The following CWF19L2 variants were observed in gnomAD, a reference collection of about 807,000 sequenced individuals.
CWF19L2 encodes CWF19-like protein 2.
CWF19L2 carries 98 observed loss-of-function variants against 111.7 expected under a neutral mutation model. The observed-to-expected ratio is 0.88, with a 90% CI of 0.75 to 1.04. The LOEUF is 1.04. Ranked by LOEUF, CWF19L2 falls within the 50% of genes least tolerant of loss-of-function variation. The probability of loss-of-function intolerance (pLI) is 0.00; values close to 1 mark genes in which losing one functional copy is unlikely to be tolerated. For missense variants in CWF19L2, 1,101 were observed against 1,051.4 expected, an observed-to-expected ratio of 1.05 and a Z score of -0.65; for synonymous variants, 351 against 342.9, an observed-to-expected ratio of 1.02 and a Z score of -0.26.
chr11:107,398,599 G>C (rs1860956487), intron 10 of CWF19L2, among the ~76,000 whole-genome samples: 1 of 152,208 alleles, frequency 6.6e-6, no homozygotes, highest in South Asian at 2.1e-4. Flanking sequence ...TAAAAGCCCG[G>C]AAAACATATT....
rs557213561 is a variant in CWF19L2, at chr11:107,364,319, G to T, written c.1873-10583C>A. On this transcript the variant is annotated intron_variant, in intron 12 of 17. Transcript: ENST00000282251. ...AATTGAACTCAGCTCTGCCTCAAGC[G>T]GACCTAATATACATCTACAGAACTC... 4.1e-5 allele frequency among the ~76,000 whole-genome samples: 6 copies of T among 146,894 alleles called. No homozygotes were observed. In the South Asian group the frequency reaches 1.3e-3, roughly 32 times the overall value.
chr11:107,343,035 C>A (rs1179953093), intron 14 of CWF19L2, among the ~76,000 whole-genome samples: 1 of 152,170 alleles, frequency 6.6e-6, no homozygotes, highest in Non-Finnish European at 1.5e-5. Flanking sequence ...CCATAAGACT[C>A]ACTTGGAATC....
chr11:107,433,622 A>T lies in CWF19L2; in HGVS notation c.780+12T>A. 1 of 1,377,140 alleles carries T rather than the reference A, an allele frequency of 7.3e-7. No individual in the cohort carries two copies. Among genetic ancestry groups the T allele is most frequent in the Non-Finnish European group, 9.9e-7 (1 of 1,007,516 alleles). The allele number at this position is 1,377,140 out of a possible 1,614,324, so 85.3% of individuals were successfully genotyped here. A position where few individuals can be genotyped will look rare whatever the true frequency, so the allele number is the denominator to read the frequency against. On this transcript the variant is annotated intron_variant, in intron 7 of 17. Coordinates refer to ENST00000282251, the MANE Select transcript of CWF19L2 (RefSeq NM_152434.3). ...TGAAAATAAGAGGCATCTCCTTAAA[A>T]CAGATACTCACCCCATATCTTTCGG... is the stretch of plus-strand genomic sequence containing the variant.
intron 14 of CWF19L2, among the ~76,000 whole-genome samples, chr11:107,337,711 T>C (rs1425603135): frequency 6.6e-6 from 1 of 152,200 alleles, no homozygotes; most frequent in East Asian, 1.9e-4. Flanking sequence ...GATCAGGAGT[T>C]CAAGATCAAG....
intron 12 of CWF19L2, among the ~76,000 whole-genome samples, chr11:107,360,278 AAAAAACAAAAAC>A (rs532497491): frequency 8.5e-5 from 13 of 152,278 alleles, no homozygotes; most frequent in South Asian, 6.2e-4. Flanking sequence ...ATGTTGCAGC[AAAAAACAAAAAC>A]AAAAACAAAA....
chr11:107,349,379 G>A (rs1478702993), intron 13 of CWF19L2, among the ~76,000 whole-genome samples: 1 of 152,238 alleles, frequency 6.6e-6, no homozygotes, highest in African/African-American at 2.4e-5. Context: ...ATCTGAAGGA[G>A]CTAGATACTT....
chr11:107,340,156 A>G (rs181664715), intron 14 of CWF19L2, among the ~76,000 whole-genome samples: 1 of 152,272 alleles, frequency 6.6e-6, no homozygotes. Flanking sequence ...ACAAAGCTCA[A>G]TTTATCAATT....
At chr11:107,353,893 A>C (rs1003688640) in intron 12 of CWF19L2, among the ~76,000 whole-genome samples, 157 bp from the exon 13 acceptor site, 1 of 152,186 alleles carries the variant, frequency 6.6e-6, no homozygotes, top group African/African-American at 2.4e-5. Flanking sequence ...GATCTTCTAG[A>C]GTCAATCTAT....
chr11:107,450,524 A>G (rs1325587072), intron 3 of CWF19L2, among the ~76,000 whole-genome samples: 3 of 152,124 alleles, frequency 2.0e-5, no homozygotes, highest in Non-Finnish European at 4.4e-5. Context: ...CCTGGGCAAC[A>G]AAGCAAGACT....
At chr11:107,372,226 A>C (rs1349392855) in intron 12 of CWF19L2, among the ~76,000 whole-genome samples, 1 of 136,298 alleles carries the variant, frequency 7.3e-6, no homozygotes, top group Admixed American at 7.2e-5. Context: ...AGAACTGTCA[A>C]GTTATAGCTG....
intron 14 of CWF19L2, 119 bp from the exon 15 acceptor site, chr11:107,336,832 AAAAT>A (rs1419503046): frequency 1.7e-5 from 10 of 585,460 alleles, no homozygotes; most frequent in African/African-American, 5.8e-5. Context: ...TTTAAAATGA[AAAAT>A]AAATAAAATA....
intron 10 of CWF19L2, among the ~76,000 whole-genome samples, chr11:107,400,285 G>C (rs1288859388): frequency 6.6e-6 from 1 of 150,522 alleles, no homozygotes; most frequent in African/African-American, 2.4e-5. Flanking sequence ...TAAAAAGCTG[G>C]TTCTTCAAAA....
intron 3 of CWF19L2, among the ~76,000 whole-genome samples, chr11:107,453,668 T>A (rs1861812080): frequency 6.6e-6 from 1 of 151,670 alleles, no homozygotes; most frequent in South Asian, 2.1e-4. Flanking sequence ...GGGGGCTCTG[T>A]CTTGCGCCTT....
chr11:107,440,252 A>T (rs577162668), intron 5 of CWF19L2, among the ~76,000 whole-genome samples: 12 of 152,212 alleles, frequency 7.9e-5, no homozygotes, highest in Non-Finnish European at 1.3e-4. Context: ...TGGCAAGAGG[A>T]TGGCAAGAAA....
At chr11:107,338,063 C>T (rs1484932510) in intron 14 of CWF19L2, among the ~76,000 whole-genome samples, 2 of 152,068 alleles carry the variant, frequency 1.3e-5, no homozygotes, top group Admixed American at 6.5e-5. Context: ...TTTCTCTTCT[C>T]CTTTTATTTT....
rs1412981947 is a variant in CWF19L2, at chr11:107,374,424, G to T, written c.1872+15650C>A. ...CCATCAGACTAACAGCAGATCTCTCGGCAGAAACTCTACAAGCCAGAAGAG... is the reference window on the plus strand; with the variant it reads ...CCATCAGACTAACAGCAGATCTCTCTGCAGAAACTCTACAAGCCAGAAGAG... On this transcript the variant is annotated intron_variant, in intron 12 of 17. Transcript: ENST00000282251. 8.2e-3 allele frequency among the ~76,000 whole-genome samples: 851 copies of T among 103,288 alleles called. 1 individual carries two copies. Among genetic ancestry groups the T allele is most frequent in the South Asian group, 0.012 (34 of 2,912 alleles). The allele number at this position is 103,288 out of a possible 152,430, so 67.8% of individuals were successfully genotyped here.
chr11:107,355,165 C>T (rs1860216904), intron 12 of CWF19L2, among the ~76,000 whole-genome samples: 1 of 152,058 alleles, frequency 6.6e-6, no homozygotes, highest in African/African-American at 2.4e-5. Flanking sequence ...ACCTGTAATC[C>T]CTGCACTTTG....
chr11:107,418,414 T>C (rs1861258071), intron 8 of CWF19L2, 127 bp from the exon 9 acceptor site: 1 of 658,874 alleles, frequency 1.5e-6, no homozygotes, highest in African/African-American at 1.8e-5. Context: ...ATCATGATTG[T>C]AATACATGTA....
chr11:107,371,076 C>T lies in CWF19L2; in HGVS notation c.1873-17340G>A, dbSNP rs111870461. On this transcript the variant is annotated intron_variant, in intron 12 of 17. Transcript: ENST00000282251. ...TCGCCCAGGCTGGAGTGCAGTGGTG[C>T]GATCTCGGCTCACTGCAAGCTCTGC... 3.5e-4 allele frequency among the ~76,000 whole-genome samples: 40 copies of T among 115,466 alleles called. 6 individuals are homozygous for T. Among genetic ancestry groups the T allele is most frequent in the African/African-American group, 1.4e-3 (38 of 26,806 alleles). The allele number at this position is 115,466 out of a possible 152,430, so 75.8% of individuals were successfully genotyped here.
Sources: gnomAD v4.1 joint callset for allele counts (sites outside exome capture counted in the v4.1 genomes callset) on GRCh38, gnomAD v4.1.1 for gene constraint, MANE v1.5 for transcripts, NCBI Gene and HGNC (gene_info 2026-07-23, HGNC 2026-07-21) for gene names.